The following ANKRD27 variants were observed in gnomAD, a reference collection of about 807,000 sequenced individuals.
ANKRD27 encodes ankyrin repeat domain 27, also known as ankyrin repeat domain-containing protein 27.
In ANKRD27, 112 loss-of-function variants were observed where a neutral mutation model predicts 129.7. The observed-to-expected ratio is 0.86, with a 90% CI of 0.74 to 1.01. The LOEUF is 1.01. Ranked by LOEUF, ANKRD27 falls within the 50% of genes least tolerant of loss-of-function variation. The probability of loss-of-function intolerance (pLI) is 0.00; values close to 1 mark genes in which losing one functional copy is unlikely to be tolerated. For missense variants in ANKRD27, 1,258 were observed against 1,300.5 expected, an observed-to-expected ratio of 0.97 and a Z score of 0.50; for synonymous variants, 516 against 511.2, an observed-to-expected ratio of 1.01 and a Z score of -0.13.
At chr19:32,617,905 C>G (rs1971946402) in intron 20 of ANKRD27, among the ~76,000 whole-genome samples, 1 of 152,036 alleles carries the variant, frequency 6.6e-6, no homozygotes, top group Non-Finnish European at 1.5e-5. Flanking sequence ...CAGGCATGCA[C>G]CACCATGCCC....
Position 32,644,493 on chromosome 19 carries a change from A to G in ANKRD27, c.371-14T>C, listed in dbSNP as rs370940101. 9.4e-5 allele frequency: 152 copies of G among 1,611,878 alleles called. 1 individual carries two copies. In the African/African-American group the frequency reaches 1.7e-3, roughly 18 times the overall value. On this transcript the variant is annotated splice_polypyrimidine_tract_variant and intron_variant, in intron 4 of 28. Transcript: ENST00000306065. ...CCAAAGGCTCTTCTGAAAAAGAAAC[A>G]AACAGGTCAGGCCGGCTGAAGCCTC...
intron 26 of ANKRD27, 181 bp from the exon 27 acceptor site, chr19:32,600,231 C>A: frequency 2.0e-6 from 1 of 502,956 alleles, no homozygotes. Context: ...ATCTCCAATC[C>A]AAAAATCTAA....
chr19:32,610,518 G>A (rs1002306927), intron 22 of ANKRD27, among the ~76,000 whole-genome samples: 16 of 148,320 alleles, frequency 1.1e-4, no homozygotes, highest in African/African-American at 3.5e-4. Flanking sequence ...TAGGCCAAGC[G>A]CAGTGGCTCA....
chr19:32,619,609 A>G, intron 18 of ANKRD27, 56 bp from the exon 19 acceptor site: 1 of 1,598,870 alleles, frequency 6.3e-7, no homozygotes, highest in Non-Finnish European at 8.6e-7. Context: ...TCGTCTCAGC[A>G]CAGTGCCATC....
At chr19:32,653,255 T>A (rs1446695051) in intron 2 of ANKRD27, among the ~76,000 whole-genome samples, 1 of 152,140 alleles carries the variant, frequency 6.6e-6, no homozygotes, top group Non-Finnish European at 1.5e-5. Context: ...TTAGCTCGGA[T>A]GAAAGTTAGT....
intron 2 of ANKRD27, among the ~76,000 whole-genome samples, chr19:32,658,547 G>C (rs1967586760): frequency 6.6e-6 from 1 of 152,198 alleles, no homozygotes; most frequent in Non-Finnish European, 1.5e-5. Flanking sequence ...AGACAGACCA[G>C]GACTCGTAAG....
intron 1 of ANKRD27, chr19:32,673,282 A>G (rs1019597029): frequency 6.1e-6 from 6 of 985,340 alleles, no homozygotes; most frequent in Non-Finnish European, 7.2e-6. Flanking sequence ...TCCTGTCCCT[A>G]TGGCTGGTCA....
intron 12 of ANKRD27, among the ~76,000 whole-genome samples, chr19:32,635,458 G>T (rs142033084): frequency 7.4e-4 from 112 of 152,120 alleles, no homozygotes; most frequent in African/African-American, 2.6e-3. Context: ...ACACACACAC[G>T]CATTCTTTTT....
intron 1 of ANKRD27, among the ~76,000 whole-genome samples, chr19:32,666,784 T>C (rs1352065437): frequency 6.6e-6 from 1 of 151,918 alleles, no homozygotes; most frequent in African/African-American, 2.4e-5. Flanking sequence ...GTAGCTGGGA[T>C]TACAGGTGTG....
At chr19:32,664,500 T>A (rs927204072) in intron 1 of ANKRD27, among the ~76,000 whole-genome samples, 1 of 151,752 alleles carries the variant, frequency 6.6e-6, no homozygotes, top group Non-Finnish European at 1.5e-5. Flanking sequence ...GTGACTGTAA[T>A]TCCAGCTACT....
intron 3 of ANKRD27, 136 bp downstream of exon 3, chr19:32,649,546 C>A: frequency 1.5e-6 from 1 of 678,898 alleles, no homozygotes; most frequent in East Asian, 2.5e-5. Context: ...CCCTCCAGCC[C>A]CCCACGGGGC....
intron 12 of ANKRD27, among the ~76,000 whole-genome samples, chr19:32,632,343 T>C (rs1455129357): frequency 1.3e-5 from 2 of 151,616 alleles, no homozygotes; most frequent in Non-Finnish European, 2.9e-5. Flanking sequence ...CCCAGCACTT[T>C]GAGGGGCCGA....
At chr19:32,640,471 G>A in intron 10 of ANKRD27, 86 bp from the exon 11 acceptor site, 1 of 1,057,630 alleles carries the variant, frequency 9.5e-7, no homozygotes, top group Non-Finnish European at 1.5e-6. Context: ...CGCACACCTT[G>A]TGAAACCACG....
chr19:32,661,747 G>A (rs796978119), intron 1 of ANKRD27, among the ~76,000 whole-genome samples: 1 of 152,008 alleles, frequency 6.6e-6, no homozygotes, highest in Non-Finnish European at 1.5e-5. Context: ...TCCCATGGTC[G>A]GCCCTGTGGA....
intron 12 of ANKRD27, among the ~76,000 whole-genome samples, chr19:32,632,454 G>A (rs913038073): frequency 1.3e-4 from 19 of 151,016 alleles, no homozygotes; most frequent in African/African-American, 3.2e-4. Flanking sequence ...GTGTGGTGGC[G>A]GGCGCCTGTA....
At position 32,642,135 on chromosome 19, in the gene ANKRD27, G is replaced by T; in HGVS notation, c.793C>A (p.Pro265Thr). ...TGAGCCAGCTCTCTTTTGGCACGAG[G>T]TATGTTAAAGCTGTAAAATAATTTG... ...GVKPEFSFNI[P>T]RAKRELAQLN... Residue 265 changes from proline (P) to threonine (T), a missense_variant, in exon 10 of 29, where the codon CCT (proline) becomes ACT (threonine). Transcript: ENST00000306065. 6.2e-7 allele frequency: 1 copy of T among 1,603,564 alleles called. No homozygotes were observed. The highest frequency in any genetic ancestry group is 8.5e-7 in the Non-Finnish European group (1 of 1,173,454).
chr19:32,604,574 G>A, intron 24 of ANKRD27, 150 bp from the exon 25 acceptor site: 1 of 790,612 alleles, frequency 1.3e-6, no homozygotes, highest in African/African-American at 1.7e-5. Flanking sequence ...GTAATACTGA[G>A]AAAAAAAGAT....
In ANKRD27 at chr19:32,606,959, A is replaced by G. The variant is rs1445818623; in HGVS notation, c.2373+676T>C. On this transcript the variant is annotated intron_variant, in intron 23 of 28. Coordinates refer to ENST00000306065, the MANE Select transcript of ANKRD27 (RefSeq NM_032139.3). Reference sequence around the variant, plus strand: ...CTCCACAAAAAAAAAAAAAAAAAAAAAAAAAAAAAAAAAAAGAAAAATTTA... The same window carrying G: ...CTCCACAAAAAAAAAAAAAAAAAAAGAAAAAAAAAAAAAAAGAAAAATTTA... 4.2e-5 allele frequency among the ~76,000 whole-genome samples: 6 copies of G among 142,458 alleles called. 1 individual carries two copies. Among genetic ancestry groups the G allele is most frequent in the African/African-American group, 1.6e-4 (6 of 36,952 alleles). The allele number at this position is 142,458 out of a possible 152,430, so 93.5% of individuals were successfully genotyped here.
In ANKRD27 at chr19:32,631,399, C is replaced by A; in HGVS notation, c.1209+3G>T. The A allele has an allele frequency of 6.2e-7, 1 of 1,613,424 alleles. No homozygotes were observed. The highest frequency in any genetic ancestry group is 8.5e-7 in the Non-Finnish European group (1 of 1,179,356). ...TACCCACAGAGATGTCTTGGTATCT[C>A]ACCTTAAACAGGCAGTCGGTGGGAG... On this transcript the variant is annotated splice_donor_region_variant and intron_variant, in intron 13 of 28. Transcript: ENST00000306065.
Sources: allele counts gnomAD v4.1 joint callset (sites outside exome capture counted in the v4.1 genomes callset), GRCh38; gene constraint gnomAD v4.1.1; transcripts MANE v1.5; gene names NCBI Gene and HGNC (gene_info 2026-07-23, HGNC 2026-07-21).